Variants in SPTLC2 observed in about 807,000 individuals in gnomAD.
SPTLC2 encodes the protein serine palmitoyltransferase long chain base subunit 2.
SPTLC2 carries 21 observed loss-of-function variants against 62.0 expected under a neutral mutation model. That is an observed-to-expected ratio of 0.34 (90% confidence interval 0.24 to 0.49). The LOEUF is 0.49. Ranked by LOEUF, SPTLC2 falls within the 20% of genes least tolerant of loss-of-function variation. The pLI, the probability that SPTLC2 is intolerant of heterozygous loss-of-function variation, is 0.99. For synonymous variants in SPTLC2, 261 were observed against 261.8 expected, an observed-to-expected ratio of 1.00 and a Z score of 0.03; for missense variants, 511 against 713.0, an observed-to-expected ratio of 0.72 and a Z score of 3.23.
Position 77,555,296 on chromosome 14 carries a change from T to A in SPTLC2, c.1176+4A>T. ...CTAATCGCTCATTCTCATGGCTCGT[T>A]TACCTTCTTGCCTCCAATATATCCT... On this transcript the variant is annotated splice_donor_region_variant and intron_variant, in intron 8 of 11. Coordinates refer to ENST00000216484, the MANE Select transcript of SPTLC2 (RefSeq NM_004863.4). The A allele has an allele frequency of 6.2e-7, 1 of 1,614,066 alleles. No individual in the cohort carries two copies. Among genetic ancestry groups the A allele is most frequent in the South Asian group, 1.1e-5 (1 of 91,080 alleles).
intron 9 of SPTLC2, among the ~76,000 whole-genome samples, chr14:77,532,648 G>A (rs1217870840): frequency 6.6e-6 from 1 of 152,066 alleles, no homozygotes; most frequent in Non-Finnish European, 1.5e-5. Context: ...GCTGGGTGTG[G>A]TGGCAGGCGC....
chr14:77,557,232 A>G, intron 6 of SPTLC2, 86 bp from the exon 7 acceptor site: 1 of 1,215,398 alleles, frequency 8.2e-7, no homozygotes, highest in Non-Finnish European at 1.2e-6. Flanking sequence ...TTTCTCATTC[A>G]GAAACCATGC....
chr14:77,519,488 G>A (rs959320389), intron 10 of SPTLC2, among the ~76,000 whole-genome samples: 10 of 151,972 alleles, frequency 6.6e-5, no homozygotes, highest in Non-Finnish European at 1.3e-4. Context: ...AGGCCGAGGC[G>A]GGCAGATCAC....
At chr14:77,542,150 G>T (rs1271326663) in intron 9 of SPTLC2, among the ~76,000 whole-genome samples, 1 of 151,458 alleles carries the variant, frequency 6.6e-6, no homozygotes, top group Non-Finnish European at 1.5e-5. Context: ...GTGAGAGGGA[G>T]AGTAGAGCAT....
rs1276821159 is a variant in SPTLC2 at position 77,507,717 on chromosome 14, T to C, written c.*4567A>G. Reference sequence around the variant, plus strand: ...GAAGGTATTTTTTAAACTGGTTTAATGTATTAAGATGGCTGCTGGGCACTG... The same window carrying C: ...GAAGGTATTTTTTAAACTGGTTTAACGTATTAAGATGGCTGCTGGGCACTG... On this transcript the variant is annotated 3_prime_UTR_variant, in exon 12 of 12. Coordinates refer to ENST00000216484, the MANE Select transcript of SPTLC2 (RefSeq NM_004863.4). 3 of 152,154 alleles carry C rather than the reference T, an allele frequency of 2.0e-5. No individual in the cohort carries two copies. The highest frequency in any genetic ancestry group is 4.4e-5 in the Non-Finnish European group (3 of 68,040). The allele number at this position is 152,154 out of a possible 1,614,324, so 9.4% of individuals were successfully genotyped here.
chr14:77,548,311 C>G (rs187741250), intron 9 of SPTLC2, among the ~76,000 whole-genome samples: 1 of 152,236 alleles, frequency 6.6e-6, no homozygotes, highest in Admixed American at 6.5e-5. Flanking sequence ...AATAAATTTA[C>G]TGAAAGGATC....
Position 77,508,336 on chromosome 14 carries a change from T to A in SPTLC2, c.*3948A>T, listed in dbSNP as rs535121978. ...TATAGCAAGTAGAGATTAAAGCTCA[T>A]TGGCTTACCTAGAACACCAAGAGAG... On this transcript the variant is annotated 3_prime_UTR_variant, in exon 12 of 12. Transcript: ENST00000216484. 35 of 152,350 alleles carry A rather than the reference T, an allele frequency of 2.3e-4. No individual in the cohort carries two copies. Among genetic ancestry groups the A allele is most frequent in the African/African-American group, 7.7e-4 (32 of 41,584 alleles). 9.4% of individuals were successfully genotyped at this position (152,350 alleles called of 1,614,324 possible). A position where few individuals can be genotyped will look rare whatever the true frequency, so the allele number is the denominator to read the frequency against.
intron 5 of SPTLC2, among the ~76,000 whole-genome samples, chr14:77,567,749 AT>A (rs2079653319): frequency 6.7e-6 from 1 of 150,082 alleles, no homozygotes; most frequent in Non-Finnish European, 1.5e-5. Context: ...TAATTTTTGC[AT>A]TTATCATCAT....
intron 8 of SPTLC2, among the ~76,000 whole-genome samples, chr14:77,553,240 G>C (rs1258107850): frequency 6.6e-6 from 1 of 152,060 alleles, no homozygotes; most frequent in Non-Finnish European, 1.5e-5. Context: ...GGACACAAAT[G>C]TGGCTATGAA....
At chr14:77,597,603 G>A (rs2079854544) in intron 1 of SPTLC2, among the ~76,000 whole-genome samples, 1 of 142,260 alleles carries the variant, frequency 7.0e-6, no homozygotes, top group South Asian at 2.3e-4. Flanking sequence ...GGTGAAACCT[G>A]TCTCTACTAA....
chr14:77,527,313 G>C (rs1230307326), intron 9 of SPTLC2, among the ~76,000 whole-genome samples: 1 of 151,974 alleles, frequency 6.6e-6, no homozygotes, highest in African/African-American at 2.4e-5. Context: ...GGCCAGGCTG[G>C]TCTAAAACTC....
chr14:77,521,655 C>G, intron 9 of SPTLC2, 74 bp from the exon 10 acceptor site: 1 of 1,336,370 alleles, frequency 7.5e-7, no homozygotes, highest in Non-Finnish European at 1.1e-6. Context: ...TAAATCTCCT[C>G]TATCTCCATT....
intron 1 of SPTLC2, among the ~76,000 whole-genome samples, chr14:77,602,339 T>C (rs2079882529): frequency 6.6e-6 from 1 of 152,088 alleles, no homozygotes; most frequent in African/African-American, 2.4e-5. Context: ...ACCCTCCCTC[T>C]CAGTTAAAAC....
intron 4 of SPTLC2, among the ~76,000 whole-genome samples, chr14:77,572,492 G>A (rs916462933): frequency 6.6e-6 from 1 of 152,142 alleles, no homozygotes; most frequent in African/African-American, 2.4e-5. Context: ...CTTTCCAGAG[G>A]TAATCAAATT....
chr14:77,566,245 T>A lies in SPTLC2; in HGVS notation c.757-3756A>T, dbSNP rs550134637. On this transcript the variant is annotated intron_variant, in intron 5 of 11. Transcript: ENST00000216484. ...TCAATCTGTCTTTTTCCCTTAGAAC[T>A]TATTCTTAAGCTTTATTAAATCTTT... is the stretch of plus-strand genomic sequence containing the variant. 8.5e-5 allele frequency among the ~76,000 whole-genome samples: 13 copies of A among 152,276 alleles called. No individual in the cohort carries two copies. The South Asian group carries it at 2.3e-3, about 27-fold the overall frequency.
At chr14:77,576,710 G>GC in intron 4 of SPTLC2, 57 bp downstream of exon 4, 1 of 1,610,464 alleles carries the variant, frequency 6.2e-7, no homozygotes, top group Admixed American at 1.7e-5. Flanking sequence ...ACTATTATTT[G>GC]CCCCTGACTA....
chr14:77,533,031 C>T (rs1233754934), intron 9 of SPTLC2, among the ~76,000 whole-genome samples: 1 of 152,138 alleles, frequency 6.6e-6, no homozygotes, highest in East Asian at 1.9e-4. Context: ...GGCACAGTGG[C>T]TCACGCCTGT....
At chr14:77,548,715 T>C (rs537855466) in intron 9 of SPTLC2, among the ~76,000 whole-genome samples, 1 of 152,268 alleles carries the variant, frequency 6.6e-6, no homozygotes, top group Non-Finnish European at 1.5e-5. Context: ...TAGTCATATG[T>C]CCTGTTCTTC....
At chr14:77,535,687 G>C in intron 9 of SPTLC2, 1 of 251,834 alleles carries the variant, frequency 4.0e-6, no homozygotes, top group South Asian at 4.1e-5. Flanking sequence ...AGGGGTCGTG[G>C]ACTCATAAAA....
Sources: gnomAD v4.1 joint callset for allele counts (sites outside exome capture counted in the v4.1 genomes callset) on GRCh38, gnomAD v4.1.1 for gene constraint, MANE v1.5 for transcripts, NCBI Gene and HGNC (gene_info 2026-07-23, HGNC 2026-07-21) for gene names.